NOP14: variants seen among roughly 807,000 people sequenced by gnomAD.
The protein encoded by NOP14 is nucleolar protein 14.
A neutral mutation model predicts 101.6 loss-of-function variants in NOP14; 57 were observed. The ratio of observed to expected loss-of-function variants is 0.56; its 90% CI spans 0.45 to 0.70. The LOEUF (loss-of-function observed/expected upper bound fraction) is 0.70, where lower values mean the gene tolerates loss of function less well. Among genes scored for constraint, NOP14 ranks in the 30% least tolerant of loss-of-function variants. The pLI, the probability that NOP14 is intolerant of heterozygous loss-of-function variation, is 0.00. For synonymous variants in NOP14, 428 were observed against 424.0 expected (o/e 1.01, Z -0.12); for missense variants, 1,134 against 1,075.5 (o/e 1.05, Z -0.76).
intron 13 of NOP14, 100 bp downstream of exon 13, chr4:2,943,973 C>T: frequency 1.0e-6 from 1 of 983,116 alleles, no homozygotes; most frequent in Non-Finnish European, 1.5e-6. Context: ...TGTGTTTCCT[C>T]TACTTTCGCA....
Position 2,939,789 on chromosome 4 carries a change from A to C in NOP14, c.2200-144T>G, listed in dbSNP as rs553719222. The C allele has an allele frequency of 3.1e-5, 22 of 718,342 alleles. No individual in the cohort carries two copies. The Admixed American group carries it at 3.8e-4, about 12-fold the overall frequency. 44.5% of individuals were successfully genotyped at this position (718,342 alleles called of 1,614,324 possible). ...AGGATGGTGCCCTTGCTGTGCGCCT[A>C]CCGGTGGGCGGGGGGGTAAGCCAAG... On this transcript the variant is annotated intron_variant, in intron 15 of 17. Transcript: ENST00000416614.
At chr4:2,960,191 C>T (rs997231316) in intron 1 of NOP14, among the ~76,000 whole-genome samples, 1 of 151,984 alleles carries the variant, frequency 6.6e-6, no homozygotes, top group African/African-American at 2.4e-5. Context: ...AGGCTGGTTT[C>T]GAACTCCTGA....
chr4:2,948,220 T>C, intron 9 of NOP14, 58 bp downstream of exon 9: 2 of 1,519,848 alleles, frequency 1.3e-6, no homozygotes, highest in East Asian at 5.0e-5. Flanking sequence ...AATTCTGGCA[T>C]TCATATACGG....
chr4:2,959,996 A>G (rs1231133852), intron 1 of NOP14, among the ~76,000 whole-genome samples: 6 of 150,492 alleles, frequency 4.0e-5, no homozygotes, highest in African/African-American at 7.3e-5. Flanking sequence ...TAAAGATGGA[A>G]TCTCGCTCTG....
chr4:2,946,562 T>C lies in NOP14; in HGVS notation c.1500-15A>G. ...GATATAAGTGCCTGTTAAGCAGAAA[T>C]GTAAAGTCAGGAGAGAATGACTTTA... On this transcript the variant is annotated splice_polypyrimidine_tract_variant and intron_variant, in intron 10 of 17. Transcript: ENST00000416614. 1 of 1,613,696 alleles carries C rather than the reference T, an allele frequency of 6.2e-7. No individual in the cohort carries two copies. The highest frequency in any genetic ancestry group is 1.1e-5 in the South Asian group (1 of 91,086).
intron 1 of NOP14, among the ~76,000 whole-genome samples, chr4:2,960,211 A>G (rs1392881006): frequency 2.6e-5 from 4 of 151,970 alleles, no homozygotes; most frequent in Admixed American, 6.6e-5. Context: ...AGCTCAGGCA[A>G]TCTGCCTGCC....
intron 6 of NOP14, 81 bp from the exon 7 acceptor site, chr4:2,951,326 GCGGGCTGGGCCTA>G (rs1157724023): frequency 6.0e-6 from 8 of 1,344,052 alleles, no homozygotes; most frequent in Non-Finnish European, 8.3e-6. Flanking sequence ...GCCCTGGGCA[GCGGGCTGGGCCTA>G]CGGTCCTCCC....
intron 7 of NOP14, 52 bp downstream of exon 7, chr4:2,951,062 T>A: frequency 6.6e-7 from 1 of 1,515,226 alleles, no homozygotes; most frequent in Non-Finnish European, 8.9e-7. Context: ...CAAAAAAATG[T>A]TTTTAAATTA....
In NOP14 at chr4:2,939,570, T is replaced by C. The variant is rs889575875; in HGVS notation, c.2275A>G (p.Lys759Glu). 6.2e-7 allele frequency: 1 copy of C among 1,614,008 alleles called. No homozygotes were observed. The highest frequency in any genetic ancestry group is 8.5e-7 in the Non-Finnish European group (1 of 1,180,032). Residue 759 changes from lysine to glutamate, a missense_variant, in exon 16 of 18, where the codon AAG (lysine) becomes GAG (glutamate). Physicochemically the swap from Lys to Glu is moderately conservative, Grantham distance 56 (BLOSUM62 1). Transcript: ENST00000416614. ...GTGAAAAGCTTCAGTGGGACAGGCT[T>C]GCTCTTCTCACAGGTCAGCGGCCGG... ...LCRPLTCEKS[K>E]PVPLKLFTPR...
At chr4:2,944,839 G>C (rs1016001539) in intron 12 of NOP14, among the ~76,000 whole-genome samples, 2 of 152,236 alleles carry the variant, frequency 1.3e-5, no homozygotes, top group Admixed American at 6.5e-5. Flanking sequence ...GGGAACAAAA[G>C]CCCTTATCAT....
intron 15 of NOP14, 85 bp from the exon 16 acceptor site, chr4:2,939,730 C>A: frequency 9.6e-7 from 1 of 1,038,134 alleles, no homozygotes; most frequent in Non-Finnish European, 1.5e-6. Flanking sequence ...GGTGTCAAGG[C>A]AGCGTGAGGA....
At position 2,960,295 on chromosome 4, in the gene NOP14, C is replaced by T. The variant is rs527613988; in HGVS notation, c.196-2555G>A. On this transcript the variant is annotated intron_variant, in intron 1 of 17. Coordinates refer to ENST00000416614, the MANE Select transcript of NOP14 (RefSeq NM_001291978.2). Reference sequence around the variant, plus strand: ...CATACACCGAGAAGACTTCTGAGGTCTGTCCCTGCAGAGGGAGGGAGTGTC... The same window carrying T: ...CATACACCGAGAAGACTTCTGAGGTTTGTCCCTGCAGAGGGAGGGAGTGTC... Among the ~76,000 whole-genome samples, 4 of 152,088 alleles carry T rather than the reference C, an allele frequency of 2.6e-5. No homozygotes were observed. The East Asian group carries it at 7.7e-4, about 29-fold the overall frequency.
chr4:2,958,926 C>A (rs1259091667), intron 1 of NOP14, among the ~76,000 whole-genome samples: 1 of 152,196 alleles, frequency 6.6e-6, no homozygotes, highest in Non-Finnish European at 1.5e-5. Context: ...TGGGCAAGAG[C>A]AGAAGATGCT....
intron 15 of NOP14, chr4:2,941,207 C>G (rs1714152087): frequency 4.9e-6 from 1 of 203,692 alleles, no homozygotes. Flanking sequence ...CTTCCTGTCA[C>G]CTTGTGCAGG....
At position 2,952,407 on chromosome 4, in the gene NOP14, AAAG is replaced by A; in HGVS notation, c.748-13_748-11del. The A allele has an allele frequency of 4.5e-6, 7 of 1,568,824 alleles. No individual in the cohort carries two copies. The highest frequency in any genetic ancestry group is 6.0e-6 in the Non-Finnish European group (7 of 1,160,746). ...TGTCATATGCATCGGGCTAAGGTAG[AAAG>A]AAGAAATTCTTCATTTTAAAAATAT... On this transcript the variant is annotated splice_polypyrimidine_tract_variant and intron_variant, in intron 5 of 17. Transcript: ENST00000416614.
chr4:2,941,941 G>A (rs1042341210), intron 14 of NOP14: 18 of 649,120 alleles, frequency 2.8e-5, no homozygotes, highest in African/African-American at 9.2e-5. Context: ...GAACCGCAGC[G>A]CCAGCTGGGA....
At chr4:2,954,394 G>A (rs775225444) in intron 4 of NOP14, 30 bp downstream of exon 4, 12 of 1,609,936 alleles carry the variant, frequency 7.5e-6, no homozygotes, top group Non-Finnish European at 1.0e-5. Flanking sequence ...TTACCGTGGA[G>A]AAGATGATCA....
intron 1 of NOP14, chr4:2,961,284 A>G (rs1715878409): frequency 1.4e-5 from 2 of 147,968 alleles, no homozygotes; most frequent in Non-Finnish European, 3.0e-5. Context: ...ATTAATATAT[A>G]GTAACTATAT....
Position 2,945,130 on chromosome 4 carries a change from T to C in NOP14, c.1735A>G (p.Lys579Glu). Reference sequence around the variant, plus strand: ...TGCCGCATGTGGAGAGAACGCACCTTGGTGAGCAGCTGACTGAGGCACACG... The same window carrying C: ...TGCCGCATGTGGAGAGAACGCACCTCGGTGAGCAGCTGACTGAGGCACACG... ...ALVCLSQLLT[K>E]CPILSLQDVV... is the part of the protein sequence containing the mutation. The change falls in exon 12 of 18, where the codon AAG becomes GAG. Residue 579 changes from lysine to glutamate, a missense_variant and splice_region_variant. Transcript: ENST00000416614. 12 of 1,581,478 alleles carry C rather than the reference T, an allele frequency of 7.6e-6. No homozygotes were observed. The highest frequency in any genetic ancestry group is 1.0e-5 in the Non-Finnish European group (12 of 1,163,120).
Sources: allele counts gnomAD v4.1 joint callset (sites outside exome capture counted in the v4.1 genomes callset), GRCh38; gene constraint gnomAD v4.1.1; transcripts MANE v1.5; gene names NCBI Gene and HGNC (gene_info 2026-07-23, HGNC 2026-07-21).